Variants in FTSJ3 observed in about 807,000 individuals in gnomAD.
FTSJ3 encodes the protein pre-rRNA 2'-O-ribose RNA methyltransferase FTSJ3.
A neutral mutation model predicts 111.5 loss-of-function variants in FTSJ3; 46 were observed. The observed-to-expected ratio is 0.41, with a 90% confidence interval of 0.33 to 0.53. FTSJ3 has a LOEUF of 0.53. Among genes scored for constraint, FTSJ3 ranks in the 20% least tolerant of loss-of-function variants. The probability of loss-of-function intolerance (pLI) is 0.19; values close to 1 mark genes in which losing one functional copy is unlikely to be tolerated. For synonymous variants in FTSJ3, 408 were observed against 383.0 expected, an observed-to-expected ratio of 1.07 and a Z score of -0.76; for missense variants, 1,075 against 1,063.8, an observed-to-expected ratio of 1.01 and a Z score of -0.15.
At position 63,824,727 on chromosome 17, in the gene FTSJ3, T is replaced by A. The variant is rs780930796; in HGVS notation, c.827A>T (p.Asp276Val). 2 of 1,613,754 alleles carry A rather than the reference T, an allele frequency of 1.2e-6. No individual in the cohort carries two copies. The highest frequency in any genetic ancestry group is 4.5e-5 in the East Asian group (2 of 44,870). Residue 276 changes from aspartate to valine, a missense_variant, in exon 10 of 21, where the codon GAT becomes GTT. Coordinates refer to ENST00000427159, the MANE Select transcript of FTSJ3 (RefSeq NM_017647.4). ...FLSKASEIMV[D>V]DEELAQHPAT... ...TGGATGCTGTGCCAACTCTTCATCA[T>A]CTACCATGATCTGTTTGGGAGGATG...
At chr17:63,826,416 T>C (rs2040104820) in intron 3 of FTSJ3, 112 bp from the exon 4 acceptor site, 2 of 1,203,156 alleles carry the variant, frequency 1.7e-6, no homozygotes, top group Non-Finnish European at 2.5e-6. Flanking sequence ...CATAGGCACG[T>C]ATTCCAAGCC....
chr17:63,820,931 A>G lies in FTSJ3; in HGVS notation c.1980T>C (p.His660=). The G allele has an allele frequency of 6.2e-7, 1 of 1,614,112 alleles. No homozygotes were observed. Among genetic ancestry groups the G allele is most frequent in the Non-Finnish European group, 8.5e-7 (1 of 1,179,956 alleles). Reference sequence around the variant, plus strand: ...CAAGGCCTTCGGGGTCCAGTATCCGATGTTTCGCTAGAGAGGGAAGGAGAA... The same window carrying G: ...CAAGGCCTTCGGGGTCCAGTATCCGGTGTTTCGCTAGAGAGGGAAGGAGAA... The part of the protein sequence containing the change: ...EIVPIEDPAK[H]RILDPEGLAL... Residue 660 remains histidine, a synonymous_variant, in exon 18 of 21, where the codon CAT becomes CAC. Coordinates refer to ENST00000427159, the MANE Select transcript of FTSJ3 (RefSeq NM_017647.4).
rs377226135 is a variant in FTSJ3 at position 63,827,612 on chromosome 17, G to T, written c.-587C>A. The T allele has an allele frequency of 1.6e-5, 25 of 1,548,582 alleles. No individual in the cohort carries two copies. Among genetic ancestry groups the T allele is most frequent in the Non-Finnish European group, 2.2e-5 (25 of 1,145,774 alleles). The stretch of plus-strand genomic sequence containing the variant: ...CGGGCCGGGGCAGGAGCGTCGGGTG[G>T]GTCGGAGGTGCCTGGACCAGTCCAT... On this transcript the variant is annotated 5_prime_UTR_variant, in exon 1 of 21. Transcript: ENST00000427159.
At chr17:63,824,529 C>A in intron 10 of FTSJ3, 108 bp downstream of exon 10, 1 of 1,420,038 alleles carries the variant, frequency 7.0e-7, no homozygotes, top group Non-Finnish European at 1.0e-6. Flanking sequence ...AGGCTCAGGC[C>A]CCCATCCCAA....
Position 63,827,560 on chromosome 17 carries a change from C to T in FTSJ3, c.-535G>A, listed in dbSNP as rs756249885. On this transcript the variant is annotated 5_prime_UTR_variant, in exon 1 of 21. Transcript: ENST00000427159. ...GCCCGGCAGGTTACGGGGCTGGGTG[C>T]GGAGCGAGCGTGATCTGAGTGGAGA... 634 of 1,550,530 alleles carry T rather than the reference C, an allele frequency of 4.1e-4. No homozygotes were observed. The highest frequency in any genetic ancestry group is 4.7e-4 in the Non-Finnish European group (541 of 1,146,822).
chr17:63,821,087 T>C lies in FTSJ3; in HGVS notation c.1915A>G (p.Ser639Gly). Residue 639 changes from serine (S) to glycine (G), a missense_variant, in exon 17 of 21, where the codon AGC (serine) becomes GGC (glycine). Around this residue, in one of 2 missense-constraint regions of FTSJ3, gnomAD observed 867 missense variants for 796.9 expected, o/e 1.09. Coordinates refer to ENST00000427159, the MANE Select transcript of FTSJ3 (RefSeq NM_017647.4). ...TCATCATCTGACTTAGGCCCACGGC[T>C]TCGCTTCTTACCACGGAGGGGTTCC... ...SWEPLRGKKRSRGPKSDDDGF... is the reference protein window; with the variant it reads ...SWEPLRGKKRGRGPKSDDDGF... 1.2e-6 allele frequency: 2 copies of C among 1,614,214 alleles called. No homozygotes were observed. The highest frequency in any genetic ancestry group is 1.7e-6 in the Non-Finnish European group (2 of 1,180,030).
chr17:63,825,176 G>A lies in FTSJ3; in HGVS notation c.596-13C>T. 1 of 1,613,848 alleles carries A rather than the reference G, an allele frequency of 6.2e-7. No homozygotes were observed. Among genetic ancestry groups the A allele is most frequent in the Non-Finnish European group, 8.5e-7 (1 of 1,179,784 alleles). On this transcript the variant is annotated splice_polypyrimidine_tract_variant and intron_variant, in intron 7 of 20. Transcript: ENST00000427159. ...GGGGCCAGGAATCCTAAAAATGACA[G>A]GATATATTAAAAAGTGTGCTTTGGG...
chr17:63,821,794 T>TCTCCTC lies in FTSJ3; in HGVS notation c.1519_1524dup (p.Glu507_Glu508dup), dbSNP rs751549614. On this transcript the variant is annotated inframe_insertion, in exon 15 of 21. Coordinates refer to ENST00000427159, the MANE Select transcript of FTSJ3 (RefSeq NM_017647.4). ...TCCTCCAGTGGTACCAGCAGTGGAT[T>TCTCCTC]CTCCTCCTCCTCCTCCTCTTTATCA... 1.2e-6 allele frequency: 2 copies of TCTCCTC among 1,613,770 alleles called. No homozygotes were observed. Among genetic ancestry groups the TCTCCTC allele is most frequent in the East Asian group, 2.2e-5 (1 of 44,892 alleles).
intron 5 of FTSJ3, 139 bp from the exon 6 acceptor site, chr17:63,825,774 A>C: frequency 1.4e-6 from 1 of 703,802 alleles, no homozygotes; most frequent in Non-Finnish European, 2.4e-6. Context: ...TAGTAAACAA[A>C]AACAGTATGT....
chr17:63,820,071 C>G lies in FTSJ3; in HGVS notation c.2351+8G>C. On this transcript the variant is annotated splice_region_variant and intron_variant, in intron 20 of 20. Transcript: ENST00000427159. The stretch of plus-strand genomic sequence containing the variant: ...GCCCTGTGTACCTTTGTGGTGTCCT[C>G]CCATTACCTTCGCAGCTGTGCCACT... The G allele has an allele frequency of 1.9e-6, 3 of 1,614,082 alleles. No homozygotes were observed. Among genetic ancestry groups the G allele is most frequent in the Non-Finnish European group, 2.5e-6 (3 of 1,179,974 alleles).
intron 11 of FTSJ3, 29 bp from the exon 12 acceptor site, chr17:63,824,268 A>G (rs747061307): frequency 6.2e-7 from 1 of 1,613,658 alleles, no homozygotes; most frequent in South Asian, 1.1e-5. Context: ...GAGTTGGGTT[A>G]TTTTCCCAGA....
chr17:63,823,729 A>G, intron 13 of FTSJ3, 88 bp downstream of exon 13: 2 of 1,460,366 alleles, frequency 1.4e-6, no homozygotes, highest in South Asian at 2.5e-5. Context: ...TCGTTCGGCA[A>G]CCTAAAAAGA....
At chr17:63,826,761 A>C in intron 2 of FTSJ3, 75 bp downstream of exon 2, 1 of 1,564,980 alleles carries the variant, frequency 6.4e-7, no homozygotes, top group East Asian at 2.2e-5. Flanking sequence ...GGAGAGGTAC[A>C]TAATGGTCGC....
chr17:63,819,486 T>A lies in FTSJ3; in HGVS notation c.*316A>T. 1 of 279,788 alleles carries A rather than the reference T, an allele frequency of 3.6e-6. No homozygotes were observed. 17.3% of individuals were successfully genotyped at this position (279,788 alleles called of 1,614,324 possible). On this transcript the variant is annotated 3_prime_UTR_variant, in exon 21 of 21. Transcript: ENST00000427159. The stretch of plus-strand genomic sequence containing the variant: ...AGGATGGGGGTGGGGAGGGCTTAAG[T>A]GGCCCACACGTCCAGGTGTAGACTG...
chr17:63,824,313 G>A lies in FTSJ3; in HGVS notation c.998+18C>T, dbSNP rs755639241. 3.7e-6 allele frequency: 6 copies of A among 1,613,986 alleles called. No homozygotes were observed. The highest frequency in any genetic ancestry group is 2.2e-5 in the East Asian group (1 of 44,876). ...TGGACACCCAGTCCACACCTGCCTC[G>A]CTGCGTTCTCTCCTCACCTGATGTC... On this transcript the variant is annotated intron_variant, in intron 11 of 20. Coordinates refer to ENST00000427159, the MANE Select transcript of FTSJ3 (RefSeq NM_017647.4).
In FTSJ3 at chr17:63,827,174, T is replaced by TA. The variant is rs1358631103; in HGVS notation, c.-150dup. 2.5e-5 allele frequency: 15 copies of TA among 605,828 alleles called. No homozygotes were observed. The African/African-American group carries it at 2.8e-4, about 11-fold the overall frequency. 37.5% of individuals were successfully genotyped at this position (605,828 alleles called of 1,614,324 possible). Reference sequence around the variant, plus strand: ...TTTTCCGCCATTTTGAGTGTGGCCCTAGATTGTTCTCAATACTCTGTCCTT... The same window carrying TA: ...TTTTCCGCCATTTTGAGTGTGGCCCTAAGATTGTTCTCAATACTCTGTCCTT... On this transcript the variant is annotated 5_prime_UTR_variant, in exon 1 of 21. Coordinates refer to ENST00000427159, the MANE Select transcript of FTSJ3 (RefSeq NM_017647.4).
At chr17:63,824,503 G>C in intron 10 of FTSJ3, 92 bp from the exon 11 acceptor site, 1 of 1,495,884 alleles carries the variant, frequency 6.7e-7, no homozygotes, top group South Asian at 1.1e-5. Context: ...TTCGGGCTTC[G>C]GCTACATAAA....
intron 19 of FTSJ3, 29 bp downstream of exon 19, chr17:63,820,225 CA>C (rs2040035630): frequency 9.3e-6 from 15 of 1,607,088 alleles, no homozygotes; most frequent in Non-Finnish European, 1.1e-5. Flanking sequence ...ACCCCCACCC[CA>C]CCCAATCTCT....
intron 5 of FTSJ3, 193 bp from the exon 6 acceptor site, chr17:63,825,828 A>T: frequency 1.6e-6 from 1 of 629,938 alleles, no homozygotes; most frequent in Non-Finnish European, 2.8e-6. Flanking sequence ...AATTCACAGG[A>T]GAAGACTTCA....
Sources: gnomAD v4.1 joint callset for allele counts on GRCh38, gnomAD v4.1.1 for gene constraint, gnomAD v4.1.1 regional missense constraint, MANE v1.5 for transcripts, NCBI Gene and HGNC (gene_info 2026-07-23, HGNC 2026-07-21) for gene names.